KIAA1328: variants seen among roughly 807,000 people sequenced by gnomAD.
The protein encoded by KIAA1328 is KIAA1328, also known as protein hinderin.
A neutral mutation model predicts 68.1 loss-of-function variants in KIAA1328; 52 were observed. The observed-to-expected ratio is 0.76, with a 90% CI of 0.61 to 0.96. KIAA1328 has a LOEUF of 0.96. Among genes scored for constraint, KIAA1328 ranks in the 40% least tolerant of loss-of-function variants. KIAA1328 has a pLI of 0.00. For missense variants in KIAA1328, 641 were observed against 677.6 expected, an observed-to-expected ratio of 0.95 and a Z score of 0.60; for synonymous variants, 232 against 239.4, an observed-to-expected ratio of 0.97 and a Z score of 0.28.
At chr18:36,929,401 G>A (rs2050233853) in intron 5 of KIAA1328, among the ~76,000 whole-genome samples, 2 of 151,278 alleles carry the variant, frequency 1.3e-5, no homozygotes, top group South Asian at 4.1e-4. Flanking sequence ...CTAGTCAATA[G>A]TTGAAGTGAA....
At chr18:37,206,473 A>G (rs2060217845) in intron 9 of KIAA1328, among the ~76,000 whole-genome samples, 2 of 152,080 alleles carry the variant, frequency 1.3e-5, no homozygotes, top group Admixed American at 1.3e-4. Flanking sequence ...GAGCAACCCT[A>G]TTCATCTTGT....
chr18:37,057,466 C>T (rs1335296413), intron 6 of KIAA1328, among the ~76,000 whole-genome samples: 4 of 148,106 alleles, frequency 2.7e-5, no homozygotes, highest in South Asian at 2.1e-4. Flanking sequence ...CTCACTCTGT[C>T]GCCCAGGTTG....
intron 7 of KIAA1328, among the ~76,000 whole-genome samples, chr18:37,140,349 T>C (rs1012442231): frequency 3.9e-5 from 6 of 152,144 alleles, no homozygotes; most frequent in African/African-American, 1.4e-4. Flanking sequence ...TTTAATTCAA[T>C]AAAACAAAAG....
chr18:37,200,674 G>A (rs907891244), intron 9 of KIAA1328, among the ~76,000 whole-genome samples: 18 of 151,930 alleles, frequency 1.2e-4, no homozygotes, highest in African/African-American at 3.4e-4. Flanking sequence ...AGCCGGGCGC[G>A]GTGGCGGGCG....
At chr18:36,885,699 A>G in intron 5 of KIAA1328, 27 bp downstream of exon 5, 1 of 1,393,550 alleles carries the variant, frequency 7.2e-7, no homozygotes, top group South Asian at 1.3e-5. Flanking sequence ...TCTCTTTTTT[A>G]ACGTTCAAGA....
chr18:36,969,780 T>C (rs2052101929), intron 6 of KIAA1328, among the ~76,000 whole-genome samples: 1 of 152,134 alleles, frequency 6.6e-6, no homozygotes, highest in Non-Finnish European at 1.5e-5. Context: ...CCTAACTCTT[T>C]CTATGAGGCC....
intron 9 of KIAA1328, among the ~76,000 whole-genome samples, chr18:37,211,556 C>T (rs992962496): frequency 7.2e-5 from 11 of 152,140 alleles, no homozygotes; most frequent in East Asian, 1.9e-4. Context: ...ACATTCTAGG[C>T]GATGGAACCA....
At chr18:36,908,470 G>T (rs959202708) in intron 5 of KIAA1328, among the ~76,000 whole-genome samples, 1 of 152,064 alleles carries the variant, frequency 6.6e-6, no homozygotes, top group Non-Finnish European at 1.5e-5. Flanking sequence ...CTCCCAAGTA[G>T]ATAGGACTAC....
chr18:37,017,036 T>G (rs2054176329), intron 6 of KIAA1328, among the ~76,000 whole-genome samples: 1 of 152,182 alleles, frequency 6.6e-6, no homozygotes. Flanking sequence ...CTTGTTTCTC[T>G]AGTTCCTCTA....
At chr18:37,024,096 A>G (rs1458259768) in intron 6 of KIAA1328, among the ~76,000 whole-genome samples, 1 of 152,054 alleles carries the variant, frequency 6.6e-6, no homozygotes, top group African/African-American at 2.4e-5. Context: ...CCTGGGTTCA[A>G]GCACTCCTCC....
chr18:36,962,067 C>A (rs1487469192), intron 6 of KIAA1328, among the ~76,000 whole-genome samples: 3 of 152,136 alleles, frequency 2.0e-5, no homozygotes, highest in Non-Finnish European at 4.4e-5. Flanking sequence ...ATTCAGGAGA[C>A]CCATCTCATG....
chr18:37,113,893 A>G (rs954386171), intron 7 of KIAA1328, among the ~76,000 whole-genome samples: 3 of 152,212 alleles, frequency 2.0e-5, no homozygotes, highest in Admixed American at 2.0e-4. Flanking sequence ...AAACCAACTA[A>G]TATCAAAAGA....
chr18:36,859,775 T>C (rs1209831319), intron 4 of KIAA1328, among the ~76,000 whole-genome samples: 1 of 151,784 alleles, frequency 6.6e-6, no homozygotes, highest in Non-Finnish European at 1.5e-5. Context: ...CTTTGAAAAA[T>C]TCTGCTTTTT....
chr18:36,959,525 G>C, intron 6 of KIAA1328, 90 bp downstream of exon 6: 2 of 1,354,038 alleles, frequency 1.5e-6, no homozygotes, highest in South Asian at 1.3e-5. Flanking sequence ...TTTCCTCCCA[G>C]TATATAATAT....
intron 7 of KIAA1328, among the ~76,000 whole-genome samples, chr18:37,078,525 C>A (rs2056831425): frequency 3.4e-5 from 5 of 147,824 alleles, no homozygotes; most frequent in African/African-American, 1.2e-4. Flanking sequence ...AAGAAACTAC[C>A]ATCAGAGTGA....
intron 7 of KIAA1328, among the ~76,000 whole-genome samples, chr18:37,101,275 A>G (rs1599270048): frequency 6.6e-6 from 1 of 152,224 alleles, no homozygotes. Context: ...TTGAAAAAAA[A>G]TTAGACAAAT....
chr18:37,186,832 G>T (rs2154216672), intron 9 of KIAA1328, among the ~76,000 whole-genome samples: 1 of 152,216 alleles, frequency 6.6e-6, no homozygotes, highest in East Asian at 1.9e-4. Flanking sequence ...TGATTTTCTT[G>T]TTGTCATGGG....
chr18:37,017,124 A>G (rs1361560495), intron 6 of KIAA1328, among the ~76,000 whole-genome samples: 1 of 152,080 alleles, frequency 6.6e-6, no homozygotes, highest in African/African-American at 2.4e-5. Context: ...TTCTCTTAAC[A>G]TGGCTTTTGC....
chr18:36,849,275 T>G (rs1302526394), intron 4 of KIAA1328, among the ~76,000 whole-genome samples: 1 of 151,980 alleles, frequency 6.6e-6, no homozygotes, highest in African/African-American at 2.4e-5. Context: ...ATGTGTGTGT[T>G]TTTAATGTGG....
Sources: allele counts gnomAD v4.1 joint callset (sites outside exome capture counted in the v4.1 genomes callset), GRCh38; gene constraint gnomAD v4.1.1; transcripts MANE v1.5; gene names NCBI Gene and HGNC (gene_info 2026-07-23, HGNC 2026-07-21).